The following AFG1L variants were observed in gnomAD, a reference collection of about 807,000 sequenced individuals.
AFG1L encodes AFG1 like ATPase.
A neutral mutation model predicts 62.2 loss-of-function variants in AFG1L; 53 were observed. The observed-to-expected ratio is 0.85, with a 90% CI of 0.68 to 1.07. AFG1L has a LOEUF of 1.07. AFG1L is among the 50% of genes least tolerant of loss of function. The pLI, the probability that AFG1L is intolerant of heterozygous loss-of-function variation, is 0.00. For missense variants in AFG1L, 555 were observed against 590.5 expected (o/e 0.94, Z 0.62); for synonymous variants, 228 against 210.3 (o/e 1.08, Z -0.73).
chr6:108,305,206 A>T (rs992911962), intron 1 of AFG1L, among the ~76,000 whole-genome samples: 4 of 152,208 alleles, frequency 2.6e-5, no homozygotes, highest in Admixed American at 6.5e-5. Flanking sequence ...GAGGCTCATT[A>T]TATTAACAAT....
At chr6:108,454,452 ATTC>A (rs1772175337) in intron 8 of AFG1L, among the ~76,000 whole-genome samples, 1 of 152,206 alleles carries the variant, frequency 6.6e-6, no homozygotes, top group Admixed American at 6.5e-5. Flanking sequence ...CACCTTTGTC[ATTC>A]TTAGGTGAGT....
At chr6:108,521,210 G>A (rs1775112026) in intron 12 of AFG1L, 2 of 152,194 alleles carry the variant, frequency 1.3e-5, no homozygotes, top group African/African-American at 4.8e-5. Flanking sequence ...CTAGGCTGGT[G>A]CAATGGGTCA....
At chr6:108,418,372 C>T (rs781009295) in intron 7 of AFG1L, among the ~76,000 whole-genome samples, 2 of 152,134 alleles carry the variant, frequency 1.3e-5, no homozygotes, top group African/African-American at 4.8e-5. Context: ...TGGAGACTTA[C>T]GGCTTTCAAA....
intron 1 of AFG1L, among the ~76,000 whole-genome samples, chr6:108,301,851 T>C (rs762823165): frequency 6.6e-5 from 10 of 152,190 alleles, no homozygotes; most frequent in Non-Finnish European, 1.5e-4. Context: ...TCTTGTTTCT[T>C]CTGAGTAGCA....
At chr6:108,382,662 A>T (rs1007364969) in intron 6 of AFG1L, among the ~76,000 whole-genome samples, 4 of 152,220 alleles carry the variant, frequency 2.6e-5, no homozygotes, top group Non-Finnish European at 4.4e-5. Flanking sequence ...TATCTTAGTT[A>T]AAAAGTCTGA....
rs1028649971 is a variant in AFG1L at position 108,386,287 on chromosome 6, C to G, written c.749-15709C>G. Among the ~76,000 whole-genome samples, 6 of 151,958 alleles carry G rather than the reference C, an allele frequency of 3.9e-5. No homozygotes were observed. The East Asian group carries it at 1.2e-3, about 29-fold the overall frequency. On this transcript the variant is annotated intron_variant, in intron 6 of 12. Coordinates refer to ENST00000368977, the MANE Select transcript of AFG1L (RefSeq NM_145315.5). ...GACCAGCCTGGCCAACATGGTGAAA[C>G]CCTGTCTCTACCAAAAATACAAAAT...
chr6:108,432,603 C>A (rs1026198536), intron 7 of AFG1L, among the ~76,000 whole-genome samples: 1 of 152,194 alleles, frequency 6.6e-6, no homozygotes. Flanking sequence ...AGTTGCCACC[C>A]ATGGTGGACA....
chr6:108,424,971 A>G (rs969849713), intron 7 of AFG1L, among the ~76,000 whole-genome samples: 4 of 152,178 alleles, frequency 2.6e-5, no homozygotes, highest in African/African-American at 9.6e-5. Flanking sequence ...ATTTCCTAAG[A>G]AAACTGGACA....
intron 1 of AFG1L, among the ~76,000 whole-genome samples, chr6:108,311,665 A>T (rs1777417509): frequency 6.6e-6 from 1 of 151,456 alleles, no homozygotes; most frequent in Admixed American, 6.6e-5. Flanking sequence ...CCCAGCTGTC[A>T]CTGCTTTGAG....
chr6:108,328,538 G>T (rs1778146453), intron 2 of AFG1L, among the ~76,000 whole-genome samples: 2 of 151,814 alleles, frequency 1.3e-5, no homozygotes, highest in South Asian at 2.1e-4. Context: ...GGGACTACAG[G>T]TGCATGCCAC....
chr6:108,421,137 T>C (rs1229997662), intron 7 of AFG1L, among the ~76,000 whole-genome samples: 1 of 152,140 alleles, frequency 6.6e-6, no homozygotes, highest in Non-Finnish European at 1.5e-5. Context: ...ATTTAGATCA[T>C]GAAAAGAAAG....
chr6:108,459,103 A>T (rs1377605179), intron 8 of AFG1L, among the ~76,000 whole-genome samples: 2 of 152,140 alleles, frequency 1.3e-5, no homozygotes, highest in African/African-American at 4.8e-5. Context: ...CTCCAGGGGT[A>T]ATGCTTTGTG....
At chr6:108,400,692 T>TATATATTATTATATATATTTA (rs1781537587) in intron 6 of AFG1L, among the ~76,000 whole-genome samples, 1 of 75,662 alleles carries the variant, frequency 1.3e-5, no homozygotes, top group African/African-American at 6.0e-5. Flanking sequence ...TATATAATTA[T>TATATATTATTATATATATTTA]ATATATATTA....
chr6:108,494,069 G>A (rs530857186), intron 10 of AFG1L, among the ~76,000 whole-genome samples: 16 of 152,080 alleles, frequency 1.1e-4, no homozygotes, highest in Non-Finnish European at 1.9e-4. Context: ...CAATCCGCCC[G>A]TCTCGGCCTC....
rs183756093 is a variant in AFG1L, at chr6:108,480,284, C to T, written c.1062+2992C>T. On this transcript the variant is annotated intron_variant, in intron 10 of 12. Coordinates refer to ENST00000368977, the MANE Select transcript of AFG1L (RefSeq NM_145315.5). The stretch of plus-strand genomic sequence containing the variant: ...GCCACACATCAGGTATCATTCTAAG[C>T]GCTTTTATATATTAACTCATTTGAT... Among the ~76,000 whole-genome samples the T allele has an allele frequency of 7.9e-4, 120 of 152,224 alleles. 2 individuals are homozygous for T. Among genetic ancestry groups the T allele is most frequent in the South Asian group, 1.2e-3 (6 of 4,820 alleles).
chr6:108,392,800 A>C (rs905879216), intron 6 of AFG1L, among the ~76,000 whole-genome samples: 4 of 152,148 alleles, frequency 2.6e-5, no homozygotes, highest in African/African-American at 9.6e-5. Flanking sequence ...GTGATAATTT[A>C]TAGGAAACCT....
chr6:108,405,779 C>T (rs1781825313), intron 7 of AFG1L, among the ~76,000 whole-genome samples: 1 of 152,206 alleles, frequency 6.6e-6, no homozygotes, highest in South Asian at 2.1e-4. Context: ...TAAATGATAA[C>T]CACCCATTGT....
At chr6:108,432,876 G>T (rs1276097069) in intron 7 of AFG1L, among the ~76,000 whole-genome samples, 1 of 152,222 alleles carries the variant, frequency 6.6e-6, no homozygotes, top group African/African-American at 2.4e-5. Flanking sequence ...GGCAGCCAGT[G>T]TTGAGAACCA....
At chr6:108,362,369 T>C (rs903160891) in intron 5 of AFG1L, among the ~76,000 whole-genome samples, 10 of 152,166 alleles carry the variant, frequency 6.6e-5, no homozygotes, top group Non-Finnish European at 1.3e-4. Flanking sequence ...ATGCTTATAT[T>C]CCATCTATTA....
Sources: allele counts gnomAD v4.1 joint callset (sites outside exome capture counted in the v4.1 genomes callset), GRCh38; gene constraint gnomAD v4.1.1; transcripts MANE v1.5; gene names NCBI Gene and HGNC (gene_info 2026-07-23, HGNC 2026-07-21).